Variants in LDLRAD3 observed in about 807,000 individuals in gnomAD.
LDLRAD3 encodes the protein low density lipoprotein receptor class A domain containing 3, also known as low-density lipoprotein receptor class A domain-containing protein 3.
LDLRAD3 carries 20 observed loss-of-function variants against 29.4 expected under a neutral mutation model. The ratio of observed to expected loss-of-function variants is 0.68; its 90% CI spans 0.48 to 0.99. The LOEUF is 0.99. LDLRAD3 is among the 50% of genes least tolerant of loss of function. LDLRAD3 has a pLI of 0.00. For missense variants in LDLRAD3, 420 were observed against 454.3 expected, an observed-to-expected ratio of 0.92 and a Z score of 0.69; for synonymous variants, 157 against 192.7, an observed-to-expected ratio of 0.81 and a Z score of 1.53.
intron 1 of LDLRAD3, among the ~76,000 whole-genome samples, chr11:35,960,845 T>C (rs975837667): frequency 3.0e-4 from 45 of 152,176 alleles, no homozygotes; most frequent in African/African-American, 1.1e-3. Context: ...TCCGCCCGCC[T>C]CGCCTCCCAA....
At chr11:36,075,245 AC>A (rs1266999710) in intron 2 of LDLRAD3, among the ~76,000 whole-genome samples, 1 of 152,186 alleles carries the variant, frequency 6.6e-6, no homozygotes, top group East Asian at 1.9e-4. Flanking sequence ...CTGTGTGTCT[AC>A]CCTGGAAGAA....
At chr11:36,086,370 T>C (rs567876196) in intron 3 of LDLRAD3, among the ~76,000 whole-genome samples, 14 of 152,174 alleles carry the variant, frequency 9.2e-5, no homozygotes, top group African/African-American at 2.6e-4. Flanking sequence ...CTGGGTCTTA[T>C]TTGAAGCCTA....
At chr11:36,118,705 A>G (rs1853710205) in intron 4 of LDLRAD3, among the ~76,000 whole-genome samples, 1 of 152,160 alleles carries the variant, frequency 6.6e-6, no homozygotes, top group Non-Finnish European at 1.5e-5. Context: ...AATATACCAT[A>G]TTAATTCCCC....
At chr11:36,001,319 A>C (rs1225261052) in intron 1 of LDLRAD3, 1 of 152,220 alleles carries the variant, frequency 6.6e-6, no homozygotes, top group African/African-American at 2.4e-5. Flanking sequence ...GTCATTTAAC[A>C]TTAGGTATAT....
chr11:36,032,446 A>T (rs1852247494), intron 1 of LDLRAD3, among the ~76,000 whole-genome samples: 1 of 152,176 alleles, frequency 6.6e-6, no homozygotes, highest in South Asian at 2.1e-4. Context: ...AGTGCATTTT[A>T]AAATCTCACT....
Position 36,213,462 on chromosome 11 carries a change from G to A in LDLRAD3, c.455-13623G>A, listed in dbSNP as rs532924617. Among the ~76,000 whole-genome samples the A allele has an allele frequency of 3.3e-5, 5 of 152,220 alleles. No individual in the cohort carries two copies. The highest frequency in any genetic ancestry group is 5.9e-5 in the Non-Finnish European group (4 of 68,036). ...GGTGATGTGCTTGGAATAGGGATCCGCAAAGGCGCTCCAGCCCCATGGGAT... is the reference window on the plus strand; with the variant it reads ...GGTGATGTGCTTGGAATAGGGATCCACAAAGGCGCTCCAGCCCCATGGGAT... On this transcript the variant is annotated intron_variant, in intron 4 of 5. Transcript: ENST00000315571. The surrounding 1 kb of genome is among the most constrained non-coding windows in gnomAD (Gnocchi z 4.1).
chr11:36,176,839 T>C (rs1297562010), intron 4 of LDLRAD3, among the ~76,000 whole-genome samples: 1 of 152,214 alleles, frequency 6.6e-6, no homozygotes. Context: ...TTTGAGCTTC[T>C]TCTCTTTCAA....
At chr11:36,050,588 G>A (rs1590227009) in intron 2 of LDLRAD3, among the ~76,000 whole-genome samples, 1 of 152,228 alleles carries the variant, frequency 6.6e-6, no homozygotes. Flanking sequence ...GGAAAGTTGA[G>A]TGTAGTTCAG....
intron 4 of LDLRAD3, among the ~76,000 whole-genome samples, chr11:36,117,911 A>T (rs1194379309): frequency 6.6e-6 from 1 of 152,264 alleles, no homozygotes; most frequent in Admixed American, 6.5e-5. Flanking sequence ...GGCAGAAGTT[A>T]TCAAAGGAGA....
chr11:36,040,176 A>AG (rs1565179285), intron 2 of LDLRAD3, among the ~76,000 whole-genome samples: 1 of 152,046 alleles, frequency 6.6e-6, no homozygotes, highest in Non-Finnish European at 1.5e-5. Context: ...CTTCTTAAAA[A>AG]AGAATTCTTG....
At chr11:35,957,449 A>T (rs531672707) in intron 1 of LDLRAD3, among the ~76,000 whole-genome samples, 1 of 152,174 alleles carries the variant, frequency 6.6e-6, no homozygotes, top group Non-Finnish European at 1.5e-5. Context: ...CTGCTTTTAC[A>T]TGATGGTCAT....
At chr11:36,160,363 G>A (rs980015850) in intron 4 of LDLRAD3, among the ~76,000 whole-genome samples, 2 of 152,302 alleles carry the variant, frequency 1.3e-5, no homozygotes, top group African/African-American at 2.4e-5. Flanking sequence ...AGGAGATAAG[G>A]CCCGTGGGAG....
chr11:36,121,021 T>C (rs57947587), intron 4 of LDLRAD3, among the ~76,000 whole-genome samples: 31,302 of 152,150 alleles, frequency 0.21, 3,826 homozygotes, highest in East Asian at 0.33. Context: ...TAAATGTTTG[T>C]TGTTCACCTG....
At chr11:36,166,800 C>G (rs918359978) in intron 4 of LDLRAD3, among the ~76,000 whole-genome samples, 1 of 152,090 alleles carries the variant, frequency 6.6e-6, no homozygotes, top group Admixed American at 6.6e-5. Context: ...GATTCTGATT[C>G]AGTAGGTCCA....
chr11:36,207,251 A>G (rs916265178), intron 4 of LDLRAD3, among the ~76,000 whole-genome samples: 1 of 152,132 alleles, frequency 6.6e-6, no homozygotes, highest in Non-Finnish European at 1.5e-5. Flanking sequence ...AGCTCACATC[A>G]TGGTTCTTAG....
In LDLRAD3 at chr11:36,229,264, G is replaced by T. The variant is rs775793727; in HGVS notation, c.905G>T (p.Ser302Ile). 1.2e-6 allele frequency: 2 copies of T among 1,614,110 alleles called. No individual in the cohort carries two copies. Among genetic ancestry groups the T allele is most frequent in the Non-Finnish European group, 1.7e-6 (2 of 1,180,028 alleles). Residue 302 changes from serine to isoleucine, a missense_variant, in exon 6 of 6, where the codon AGT becomes ATT. This residue lies in a region of LDLRAD3 where 140 missense variants were observed against 139.9 expected (regional missense o/e 1.00). Coordinates refer to ENST00000315571, the MANE Select transcript of LDLRAD3 (RefSeq NM_174902.4). ...PYRSRSGSAN[S>I]ASSQAASSLL... is the part of the protein sequence containing the mutation. ...CGCTCCCGGTCCGGGAGTGCCAACA[G>T]TGCCAGCTCCCAGGCAGCCAGCAGC...
At position 36,002,104 on chromosome 11, in the gene LDLRAD3, T is replaced by C. The variant is rs546600672; in HGVS notation, c.47-33999T>C. Among the ~76,000 whole-genome samples, 8 of 152,344 alleles carry C rather than the reference T, an allele frequency of 5.3e-5. No individual in the cohort carries two copies. The East Asian group carries it at 9.6e-4, about 18-fold the overall frequency. ...CGCATTTCTTCTAAACCAGTTTTAA[T>C]TGCTGTATTGAATTGAATCCAGTAG... On this transcript the variant is annotated intron_variant, in intron 1 of 5. Coordinates refer to ENST00000315571, the MANE Select transcript of LDLRAD3 (RefSeq NM_174902.4).
chr11:35,967,084 T>C, intron 1 of LDLRAD3: 1 of 203,872 alleles, frequency 4.9e-6, no homozygotes, highest in Non-Finnish European at 1.1e-5. Context: ...CATTTGGTGT[T>C]TTCTGATCCC....
chr11:35,957,787 C>A (rs1392784416), intron 1 of LDLRAD3, among the ~76,000 whole-genome samples: 7 of 123,110 alleles, frequency 5.7e-5, no homozygotes, highest in African/African-American at 2.4e-4. Flanking sequence ...CAGAGTGAGA[C>A]CTTATCTCAA....
Sources: allele counts gnomAD v4.1 joint callset (sites outside exome capture counted in the v4.1 genomes callset), GRCh38; gene constraint gnomAD v4.1.1; regional missense constraint gnomAD v4.1.1; non-coding constraint Gnocchi (gnomAD v3.1); transcripts MANE v1.5; gene names NCBI Gene and HGNC (gene_info 2026-07-23, HGNC 2026-07-21).